KIAA1217: variants seen among roughly 807,000 people sequenced by gnomAD.
The protein encoded by KIAA1217 is KIAA1217.
KIAA1217 carries 88 observed loss-of-function variants against 163.9 expected under a neutral mutation model. That is an observed-to-expected ratio of 0.54 (90% CI 0.45 to 0.64). The LOEUF is 0.64. KIAA1217 is among the 30% of genes least tolerant of loss of function. The pLI, the probability that KIAA1217 is intolerant of heterozygous loss-of-function variation, is 0.00. For missense variants in KIAA1217, 2,372 were observed against 2,475.0 expected (o/e 0.96, Z 0.88); for synonymous variants, 903 against 923.1 (o/e 0.98, Z 0.39).
intron 1 of KIAA1217, among the ~76,000 whole-genome samples, chr10:23,951,670 C>T (rs1040976749): frequency 1.3e-5 from 2 of 152,090 alleles, no homozygotes. Flanking sequence ...ACGATTCCAG[C>T]TCAGTTCTGT....
At chr10:24,424,891 G>A (rs754011520) in intron 3 of KIAA1217, among the ~76,000 whole-genome samples, 4 of 152,082 alleles carry the variant, frequency 2.6e-5, no homozygotes, top group East Asian at 1.9e-4. Flanking sequence ...GTGAGCCACC[G>A]CGCCCGGCCT....
intron 2 of KIAA1217, among the ~76,000 whole-genome samples, chr10:24,142,568 G>C (rs968410332): frequency 1.5e-4 from 23 of 152,034 alleles, no homozygotes; most frequent in African/African-American, 5.6e-4. Flanking sequence ...ATACATCCAT[G>C]TAACAAAACT....
At chr10:23,806,725 A>C (rs140442212) in intron 1 of KIAA1217, among the ~76,000 whole-genome samples, 7 of 152,256 alleles carry the variant, frequency 4.6e-5, no homozygotes, top group African/African-American at 7.2e-5. Context: ...TTTAATTTGC[A>C]TTCCTACTTT....
intron 1 of KIAA1217, among the ~76,000 whole-genome samples, chr10:23,857,356 A>G (rs1424570815): frequency 6.6e-6 from 1 of 152,212 alleles, no homozygotes; most frequent in Non-Finnish European, 1.5e-5. Flanking sequence ...CATTAGAGAG[A>G]AAAAGGACAG....
At chr10:24,366,430 G>A (rs1249705580) in intron 2 of KIAA1217, among the ~76,000 whole-genome samples, 1 of 152,146 alleles carries the variant, frequency 6.6e-6, no homozygotes, top group Non-Finnish European at 1.5e-5. Flanking sequence ...GGGCGACAAA[G>A]TGAGATTCTG....
At chr10:23,812,865 T>C (rs959602486) in intron 1 of KIAA1217, among the ~76,000 whole-genome samples, 3 of 152,212 alleles carry the variant, frequency 2.0e-5, no homozygotes, top group African/African-American at 7.2e-5. Context: ...TCTTGGGTTG[T>C]TTCCATTTCT....
chr10:24,176,449 G>A (rs1031379687), intron 2 of KIAA1217, among the ~76,000 whole-genome samples: 5 of 152,188 alleles, frequency 3.3e-5, no homozygotes, highest in African/African-American at 1.2e-4. Context: ...CAATCCTCTA[G>A]CTAGACATGA....
intron 2 of KIAA1217, among the ~76,000 whole-genome samples, chr10:24,331,492 A>G (rs1346870052): frequency 1.3e-5 from 2 of 152,260 alleles, no homozygotes; most frequent in East Asian, 3.8e-4. Context: ...AGAATCTAGC[A>G]GTAGTAATTA....
intron 2 of KIAA1217, among the ~76,000 whole-genome samples, chr10:24,122,975 T>C (rs527996574): frequency 2.0e-5 from 3 of 151,990 alleles, no homozygotes; most frequent in African/African-American, 7.2e-5. Flanking sequence ...TTGCATATAT[T>C]AGTTCAGAAA....
chr10:23,848,913 G>A (rs953505032), intron 1 of KIAA1217, among the ~76,000 whole-genome samples: 1 of 152,060 alleles, frequency 6.6e-6, no homozygotes, highest in Non-Finnish European at 1.5e-5. Flanking sequence ...GTCATGGTTT[G>A]TAATTACACA....
chr10:23,853,884 A>G (rs1268636908), intron 1 of KIAA1217, among the ~76,000 whole-genome samples: 1 of 151,604 alleles, frequency 6.6e-6, no homozygotes, highest in Non-Finnish European at 1.5e-5. Flanking sequence ...TTTTTATTGC[A>G]TCTATTTGAT....
intron 1 of KIAA1217, among the ~76,000 whole-genome samples, chr10:24,216,236 G>C (rs1416040171): frequency 6.6e-6 from 1 of 152,068 alleles, no homozygotes; most frequent in Non-Finnish European, 1.5e-5. Flanking sequence ...GAAGAAAGAG[G>C]GTTTATTGTC....
In KIAA1217 at chr10:24,321,954, T is replaced by A. The variant is rs1227366933; in HGVS notation, c.355-58915T>A. Among the ~76,000 whole-genome samples the A allele has an allele frequency of 2.0e-5, 3 of 152,126 alleles. No individual in the cohort carries two copies. In the East Asian group the frequency reaches 5.8e-4, roughly 29 times the overall value. On this transcript the variant is annotated intron_variant, in intron 2 of 20. Transcript: ENST00000376454. ...ATTTTACTGACATTTTATTTTATTT[T>A]ATTTTATTTTTTGAGACAGGGTCTC...
rs116939648 is a variant in KIAA1217 at position 24,000,059 on chromosome 10, C to T, written c.-320-7166C>T. Among the ~76,000 whole-genome samples, 491 of 152,258 alleles carry T rather than the reference C, an allele frequency of 3.2e-3. 5 individuals carry two copies. Among genetic ancestry groups the T allele is most frequent in the East Asian group, 0.025 (129 of 5,184 alleles). On this transcript the variant is annotated intron_variant, in intron 1 of 18. Transcript: ENST00000376462. ...CCAGCCTGGGTGATAGAGTAAGACCCTATCTAACAAACAAGCAAATGATTA... is the reference window on the plus strand; with the variant it reads ...CCAGCCTGGGTGATAGAGTAAGACCTTATCTAACAAACAAGCAAATGATTA...
At chr10:24,439,034 C>G (rs2060278251) in intron 5 of KIAA1217, among the ~76,000 whole-genome samples, 1 of 152,144 alleles carries the variant, frequency 6.6e-6, no homozygotes, top group Non-Finnish European at 1.5e-5. Context: ...ATACAAAAAT[C>G]CGCATGATTT....
At chr10:24,440,844 G>T (rs2132038365) in intron 5 of KIAA1217, among the ~76,000 whole-genome samples, 1 of 152,362 alleles carries the variant, frequency 6.6e-6, no homozygotes, top group African/African-American at 2.4e-5. Flanking sequence ...TTCAAAGCCA[G>T]CTAGGTGTGA....
At chr10:24,188,449 G>T (rs1041112830) in intron 2 of KIAA1217, among the ~76,000 whole-genome samples, 16 of 152,078 alleles carry the variant, frequency 1.1e-4, no homozygotes. Context: ...TGTAAAAAAG[G>T]GTCCCTTATA....
intron 2 of KIAA1217, among the ~76,000 whole-genome samples, chr10:24,037,171 G>T (rs1264629752): frequency 6.6e-6 from 1 of 152,014 alleles, no homozygotes; most frequent in Non-Finnish European, 1.5e-5. Context: ...ACCACACATA[G>T]GAATAAAACC....
intron 1 of KIAA1217, among the ~76,000 whole-genome samples, chr10:23,854,803 T>G (rs1242822721): frequency 5.3e-5 from 8 of 152,224 alleles, no homozygotes; most frequent in African/African-American, 7.2e-5. Context: ...TTTGTTGGTT[T>G]AAAGTCTGTT....
Sources: gnomAD v4.1 joint callset for allele counts (sites outside exome capture counted in the v4.1 genomes callset) on GRCh38, gnomAD v4.1.1 for gene constraint, MANE v1.5 for transcripts, NCBI Gene and HGNC (gene_info 2026-07-23, HGNC 2026-07-21) for gene names.